PCDH9: variants seen among roughly 807,000 people sequenced by gnomAD.
PCDH9 encodes protocadherin-9.
In PCDH9, 24 loss-of-function variants were observed where a neutral mutation model predicts 70.6. That is an observed-to-expected ratio of 0.34 (90% CI 0.25 to 0.48). PCDH9 has a LOEUF of 0.48. Ranked by LOEUF, PCDH9 falls within the 20% of genes least tolerant of loss-of-function variation. The pLI is 0.99. For synonymous variants in PCDH9, 562 were observed against 558.5 expected (o/e 1.01, Z -0.09); for missense variants, 1,281 against 1,503.6 (o/e 0.85, Z 2.45).
chr13:66,401,106 A>T (rs1275548785), intron 4 of PCDH9, among the ~76,000 whole-genome samples: 2 of 152,228 alleles, frequency 1.3e-5, no homozygotes, highest in Non-Finnish European at 2.9e-5. Flanking sequence ...TAGTATGATT[A>T]TGCTGGTTTA....
At chr13:66,483,832 T>C (rs531734038) in intron 4 of PCDH9, among the ~76,000 whole-genome samples, 9 of 152,198 alleles carry the variant, frequency 5.9e-5, no homozygotes, top group Non-Finnish European at 1.2e-4. Flanking sequence ...CCACGCCCCC[T>C]TCCTGGGCCT....
At chr13:66,420,928 GA>G (rs1019133981) in intron 4 of PCDH9, among the ~76,000 whole-genome samples, 46 of 152,014 alleles carry the variant, frequency 3.0e-4, no homozygotes, top group Admixed American at 6.6e-5. Context: ...AGGAAGCTAA[GA>G]ACCTTGATAA....
chr13:66,322,024 C>T (rs1446641438), intron 4 of PCDH9, among the ~76,000 whole-genome samples: 2 of 150,622 alleles, frequency 1.3e-5, no homozygotes, highest in African/African-American at 4.9e-5. Context: ...ATTACATTGA[C>T]AGAGCCATAC....
At chr13:67,147,532 A>G (rs944364549) in intron 2 of PCDH9, among the ~76,000 whole-genome samples, 3 of 152,192 alleles carry the variant, frequency 2.0e-5, no homozygotes, top group Non-Finnish European at 4.4e-5. Flanking sequence ...CTTGCCTTAC[A>G]TTAAAGTGAC....
At chr13:66,455,647 A>C (rs1344664978) in intron 4 of PCDH9, among the ~76,000 whole-genome samples, 1 of 152,088 alleles carries the variant, frequency 6.6e-6, no homozygotes, top group Admixed American at 6.5e-5. Context: ...ATTCATTTTT[A>C]CCAGTTCTAT....
At chr13:66,850,134 G>T (rs1384176690) in intron 3 of PCDH9, among the ~76,000 whole-genome samples, 1 of 152,058 alleles carries the variant, frequency 6.6e-6, no homozygotes, top group Non-Finnish European at 1.5e-5. Flanking sequence ...TAAAAAGGAG[G>T]TGCAGAAATC....
At chr13:67,147,203 T>G (rs2087543694) in intron 2 of PCDH9, among the ~76,000 whole-genome samples, 1 of 152,208 alleles carries the variant, frequency 6.6e-6, no homozygotes, top group Non-Finnish European at 1.5e-5. Flanking sequence ...CAGTTTCTTA[T>G]CAGCAGCTGA....
At chr13:66,368,699 G>A (rs1017128759) in intron 4 of PCDH9, among the ~76,000 whole-genome samples, 4 of 151,916 alleles carry the variant, frequency 2.6e-5, no homozygotes, top group Non-Finnish European at 5.9e-5. Context: ...TCATGCTGCT[G>A]ATAAAAACAT....
intron 4 of PCDH9, among the ~76,000 whole-genome samples, chr13:66,493,398 T>C (rs1328624100): frequency 1.3e-5 from 2 of 152,188 alleles, no homozygotes; most frequent in Non-Finnish European, 2.9e-5. Flanking sequence ...CAATAACAGT[T>C]GTATTAGTAA....
intron 3 of PCDH9, among the ~76,000 whole-genome samples, chr13:66,878,277 A>G (rs2081855409): frequency 6.6e-6 from 1 of 150,838 alleles, no homozygotes. Context: ...CCCAGGCTGG[A>G]GTGTAGGGGC....
At chr13:66,305,122 T>G (rs925464719) in intron 4 of PCDH9, 94 bp from the exon 5 acceptor site, 14 of 1,111,270 alleles carry the variant, frequency 1.3e-5, no homozygotes, top group Admixed American at 2.9e-5. Context: ...TTAGTGATCT[T>G]ATTTTTTCAT....
intron 2 of PCDH9, among the ~76,000 whole-genome samples, chr13:67,085,391 A>T (rs1416914458): frequency 6.6e-6 from 1 of 152,152 alleles, no homozygotes; most frequent in African/African-American, 2.4e-5. Flanking sequence ...TTTAATATTC[A>T]CCTACTATGT....
intron 2 of PCDH9, among the ~76,000 whole-genome samples, chr13:66,938,246 A>C (rs1195696048): frequency 6.6e-6 from 1 of 152,238 alleles, no homozygotes; most frequent in Non-Finnish European, 1.5e-5. Context: ...AGGCATCAAC[A>C]GGGCTTCTTA....
At position 66,477,802 on chromosome 13, in the gene PCDH9, T is replaced by C. The variant is rs113028032; in HGVS notation, c.3340+153408A>G. Among the ~76,000 whole-genome samples the C allele has an allele frequency of 4.9e-3, 751 of 152,346 alleles. 8 individuals are homozygous for C. The highest frequency in any genetic ancestry group is 0.017 in the African/African-American group (713 of 41,588). ...AGAAAAGATAAGGTGATAAAAATCATGCTTTATCTATCCTCATCCTCTTAA... is the reference window on the plus strand; with the variant it reads ...AGAAAAGATAAGGTGATAAAAATCACGCTTTATCTATCCTCATCCTCTTAA... On this transcript the variant is annotated intron_variant, in intron 4 of 4. Transcript: ENST00000377865.
At chr13:66,884,524 G>A (rs984818406) in intron 3 of PCDH9, among the ~76,000 whole-genome samples, 1 of 152,124 alleles carries the variant, frequency 6.6e-6, no homozygotes, top group Non-Finnish European at 1.5e-5. Context: ...TGGTGGTGAT[G>A]TTCATTTTGA....
At chr13:66,643,710 C>T (rs950917061) in intron 3 of PCDH9, among the ~76,000 whole-genome samples, 1 of 152,048 alleles carries the variant, frequency 6.6e-6, no homozygotes, top group African/African-American at 2.4e-5. Context: ...CTTTAGAAGG[C>T]ATGACACTCT....
chr13:66,486,567 T>G (rs183333426), intron 4 of PCDH9, among the ~76,000 whole-genome samples: 1 of 150,610 alleles, frequency 6.6e-6, no homozygotes, highest in African/African-American at 2.4e-5. Flanking sequence ...GCCCAGGAGG[T>G]TGAAGCTACA....
chr13:66,330,151 A>G (rs1362735258), intron 4 of PCDH9, among the ~76,000 whole-genome samples: 2 of 152,244 alleles, frequency 1.3e-5, no homozygotes, highest in East Asian at 1.9e-4. Context: ...GGCATGAATC[A>G]TATAGAAGTC....
In PCDH9 at chr13:66,324,406, G is replaced by A. The variant is rs566983501; in HGVS notation, c.3341-19378C>T. On this transcript the variant is annotated intron_variant, in intron 4 of 4. Transcript: ENST00000377865. ...CCCATTATTTCCATTAGGAAAAATG[G>A]GTTAGAGAGATAAAGTGACTTGCTA... 2.6e-5 allele frequency among the ~76,000 whole-genome samples: 4 copies of A among 152,108 alleles called. No homozygotes were observed. The South Asian group carries it at 8.3e-4, about 32-fold the overall frequency.
Sources: gnomAD v4.1 joint callset for allele counts (sites outside exome capture counted in the v4.1 genomes callset) on GRCh38, gnomAD v4.1.1 for gene constraint, MANE v1.5 for transcripts, NCBI Gene and HGNC (gene_info 2026-07-23, HGNC 2026-07-21) for gene names.